The following MALRD1 variants were observed in gnomAD, a reference collection of about 807,000 sequenced individuals.
MALRD1 encodes the protein MAM and LDL receptor class A domain containing 1.
Under a neutral mutation model 242.1 loss-of-function variants are expected in MALRD1, and 247 were observed. The ratio of observed to expected loss-of-function variants is 1.02; its 90% CI spans 0.92 to 1.13. The LOEUF is 1.13. MALRD1 is among the 50% of genes most tolerant of loss of function. The probability of loss-of-function intolerance (pLI) is 0.00; values close to 1 mark genes in which losing one functional copy is unlikely to be tolerated. For missense variants in MALRD1, 2,989 were observed against 2,533.1 expected, an observed-to-expected ratio of 1.18 and a Z score of -3.86; for synonymous variants, 995 against 866.6, an observed-to-expected ratio of 1.15 and a Z score of -2.60.
At chr10:19,430,922 A>G (rs1266384406) in intron 28 of MALRD1, among the ~76,000 whole-genome samples, 1 of 152,190 alleles carries the variant, frequency 6.6e-6, no homozygotes, top group African/African-American at 2.4e-5. Flanking sequence ...TTGATGCGCC[A>G]TATATGAGTT....
chr10:19,219,859 G>T (rs1588715550), intron 18 of MALRD1, among the ~76,000 whole-genome samples: 1 of 152,058 alleles, frequency 6.6e-6, no homozygotes. Flanking sequence ...GATGCATTCA[G>T]ATTTGATCAG....
At chr10:19,680,904 C>T (rs1842341541) in intron 36 of MALRD1, among the ~76,000 whole-genome samples, 1 of 152,138 alleles carries the variant, frequency 6.6e-6, no homozygotes, top group Non-Finnish European at 1.5e-5. Flanking sequence ...GCTTATGAAG[C>T]TTAATTTGGC....
intron 28 of MALRD1, among the ~76,000 whole-genome samples, chr10:19,413,370 G>T (rs111801568): frequency 6.6e-6 from 1 of 151,820 alleles, no homozygotes; most frequent in South Asian, 2.1e-4. Context: ...CAGAAAAAGC[G>T]CCCTAACCCT....
chr10:19,113,791 C>CCACA (rs1479679699), intron 5 of MALRD1, among the ~76,000 whole-genome samples: 2 of 104,184 alleles, frequency 1.9e-5, no homozygotes, highest in South Asian at 3.4e-4. Context: ...CTACCACCCC[C>CCACA]TACACACACA....
At chr10:19,528,409 A>G (rs1037915655) in intron 31 of MALRD1, among the ~76,000 whole-genome samples, 7 of 152,258 alleles carry the variant, frequency 4.6e-5, no homozygotes, top group Non-Finnish European at 8.8e-5. Flanking sequence ...CCTGGGCAAC[A>G]TGGTGAAACC....
In MALRD1 at chr10:19,594,269, A is replaced by T. The variant is rs564116094; in HGVS notation, c.5681-925A>T. Among the ~76,000 whole-genome samples, 7 of 152,304 alleles carry T rather than the reference A, an allele frequency of 4.6e-5. No individual in the cohort carries two copies. In the South Asian group the frequency reaches 1.2e-3, roughly 27 times the overall value. ...CTTTAATTTGAAGGTGTCAGTTTTC[A>T]TGTCAATGATGCTTTTTAAGAAATA... On this transcript the variant is annotated intron_variant, in intron 33 of 39. Coordinates refer to ENST00000454679, the MANE Select transcript of MALRD1 (RefSeq NM_001142308.3).
At chr10:19,356,235 A>G (rs892552717) in intron 26 of MALRD1, among the ~76,000 whole-genome samples, 8 of 152,062 alleles carry the variant, frequency 5.3e-5, no homozygotes, top group African/African-American at 1.9e-4. Flanking sequence ...AGGTATATCT[A>G]TATGTAAATC....
At chr10:19,515,032 A>G (rs1328228931) in intron 31 of MALRD1, among the ~76,000 whole-genome samples, 3 of 151,912 alleles carry the variant, frequency 2.0e-5, no homozygotes, top group Admixed American at 1.3e-4. Context: ...TTTGTTTTAT[A>G]CTTTTTTCTT....
intron 38 of MALRD1, among the ~76,000 whole-genome samples, chr10:19,698,539 A>T (rs1012567218): frequency 6.6e-6 from 1 of 152,162 alleles, no homozygotes; most frequent in African/African-American, 2.4e-5. Context: ...TGTCTTTTGA[A>T]TAGTGCGGTA....
chr10:19,123,011 C>A (rs1837120663), intron 5 of MALRD1, among the ~76,000 whole-genome samples: 1 of 152,192 alleles, frequency 6.6e-6, no homozygotes, highest in East Asian at 1.9e-4. Context: ...CCTGGGATTA[C>A]AGGTGTGAGC....
At chr10:19,120,007 G>T (rs34013078) in intron 5 of MALRD1, among the ~76,000 whole-genome samples, 20,337 of 152,150 alleles carry the variant, frequency 0.13, 1,863 homozygotes, top group African/African-American at 0.24. Flanking sequence ...TAAGTCAGTA[G>T]CAGGATACTG....
intron 21 of MALRD1, among the ~76,000 whole-genome samples, chr10:19,316,194 A>C (rs564858537): frequency 6.6e-6 from 1 of 151,792 alleles, no homozygotes; most frequent in East Asian, 2.0e-4. Context: ...TACATGTTCT[A>C]TTAACACTGT....
At chr10:19,214,484 A>G (rs1837216784) in intron 18 of MALRD1, among the ~76,000 whole-genome samples, 1 of 152,348 alleles carries the variant, frequency 6.6e-6, no homozygotes, top group African/African-American at 2.4e-5. Flanking sequence ...GTCTGTTGCT[A>G]CACATTGAAC....
intron 32 of MALRD1, among the ~76,000 whole-genome samples, chr10:19,564,212 G>A (rs1836155113): frequency 6.6e-6 from 1 of 152,094 alleles, no homozygotes; most frequent in South Asian, 2.1e-4. Flanking sequence ...CTTCATATCT[G>A]TTGTTGAATG....
Position 19,073,175 on chromosome 10 carries a change from G to A in MALRD1, c.340+6316G>A, listed in dbSNP as rs189878207. ...AGTGATCTGCCCACCTTGGCCTCCC[G>A]AAGTGCTGGAATTACAGGCGTGAGC... On this transcript the variant is annotated intron_variant, in intron 2 of 39. Coordinates refer to ENST00000454679, the MANE Select transcript of MALRD1 (RefSeq NM_001142308.3). Among the ~76,000 whole-genome samples the A allele has an allele frequency of 2.0e-4, 31 of 151,972 alleles. No homozygotes were observed. The East Asian group carries it at 5.8e-3, about 29-fold the overall frequency.
intron 19 of MALRD1, among the ~76,000 whole-genome samples, chr10:19,259,204 A>C (rs1005054528): frequency 2.0e-5 from 3 of 152,156 alleles, no homozygotes; most frequent in African/African-American, 7.2e-5. Flanking sequence ...GATAGCTTCC[A>C]AGGAATAAAT....
At chr10:19,522,191 T>C (rs60202296) in intron 31 of MALRD1, among the ~76,000 whole-genome samples, 31,381 of 152,014 alleles carry the variant, frequency 0.21, 4,993 homozygotes, top group African/African-American at 0.45. Context: ...ACAGATTGTA[T>C]TTTTCATTTT....
chr10:19,363,641 A>G (rs1313224126), intron 26 of MALRD1, among the ~76,000 whole-genome samples: 2 of 152,172 alleles, frequency 1.3e-5, no homozygotes, highest in African/African-American at 2.4e-5. Flanking sequence ...GCCAGAGTTG[A>G]CCAGGAGATT....
At chr10:19,350,719 T>C (rs1405513436) in intron 25 of MALRD1, among the ~76,000 whole-genome samples, 3 of 152,212 alleles carry the variant, frequency 2.0e-5, no homozygotes, top group African/African-American at 7.2e-5. Context: ...CTGAAGAAGA[T>C]ATAAACGTAT....
Sources: gnomAD v4.1 joint callset for allele counts (sites outside exome capture counted in the v4.1 genomes callset) on GRCh38, gnomAD v4.1.1 for gene constraint, MANE v1.5 for transcripts, NCBI Gene and HGNC (gene_info 2026-07-23, HGNC 2026-07-21) for gene names.